The following BCR variants were observed in gnomAD, a reference collection of about 807,000 sequenced individuals.
BCR encodes the protein breakpoint cluster region protein.
BCR carries 58 observed loss-of-function variants against 138.6 expected under a neutral mutation model. That is an observed-to-expected ratio of 0.42 (90% CI 0.34 to 0.52). The LOEUF (loss-of-function observed/expected upper bound fraction) is 0.52, where lower values mean the gene tolerates loss of function less well. Ranked by LOEUF, BCR falls within the 20% of genes least tolerant of loss-of-function variation. The pLI, the probability that BCR is intolerant of heterozygous loss-of-function variation, is 0.06. For synonymous variants in BCR, 786 were observed against 730.1 expected, an observed-to-expected ratio of 1.08 and a Z score of -1.23; for missense variants, 1,599 against 1,727.2, an observed-to-expected ratio of 0.93 and a Z score of 1.32.
At chr22:23,300,648 G>A (rs1020691796) in intron 16 of BCR, among the ~76,000 whole-genome samples, 15 of 152,338 alleles carry the variant, frequency 9.8e-5, no homozygotes, top group African/African-American at 1.2e-4. Flanking sequence ...ACCTCACTGC[G>A]TGGTGGGGAC....
At chr22:23,265,578 C>A (rs1339942051) in intron 4 of BCR, among the ~76,000 whole-genome samples, 1 of 152,250 alleles carries the variant, frequency 6.6e-6, no homozygotes, top group Non-Finnish European at 1.5e-5. Flanking sequence ...CACGGGCTGA[C>A]TTCCCTGCTC....
chr22:23,203,557 C>G (rs1003409938), intron 1 of BCR, among the ~76,000 whole-genome samples: 1 of 152,150 alleles, frequency 6.6e-6, no homozygotes, highest in African/African-American at 2.4e-5. Context: ...TCCTTGATGA[C>G]CCTCGAAACA....
At chr22:23,207,537 C>T (rs1011923789) in intron 1 of BCR, among the ~76,000 whole-genome samples, 1 of 152,138 alleles carries the variant, frequency 6.6e-6, no homozygotes, top group African/African-American at 2.4e-5. Flanking sequence ...TTGGGAGGAT[C>T]GCTTGAGCCC....
intron 1 of BCR, among the ~76,000 whole-genome samples, chr22:23,195,043 G>A (rs927284359): frequency 3.3e-5 from 5 of 152,114 alleles, no homozygotes; most frequent in African/African-American, 9.7e-5. Flanking sequence ...TTGGGAGGCC[G>A]AGGCAGGCAG....
At position 23,189,529 on chromosome 22, in the gene BCR, G is replaced by A. The variant is rs184512221; in HGVS notation, c.1279+7290G>A. On this transcript the variant is annotated intron_variant, in intron 1 of 22. Coordinates refer to ENST00000305877, the MANE Select transcript of BCR (RefSeq NM_004327.4). Reference sequence around the variant, plus strand: ...CTTTCTTTTCTTGAGACGGAGTTTCGCTCTTATTTTGCCCAGGCTGGAGTG... The same window carrying A: ...CTTTCTTTTCTTGAGACGGAGTTTCACTCTTATTTTGCCCAGGCTGGAGTG... Among the ~76,000 whole-genome samples the A allele has an allele frequency of 5.3e-5, 8 of 151,352 alleles. No individual in the cohort carries two copies. The East Asian group carries it at 1.4e-3, about 26-fold the overall frequency.
At chr22:23,189,869 A>G (rs1475677661) in intron 1 of BCR, among the ~76,000 whole-genome samples, 1 of 152,184 alleles carries the variant, frequency 6.6e-6, no homozygotes, top group Non-Finnish European at 1.5e-5. Context: ...CTCTTCCGGA[A>G]AACACCCGTT....
chr22:23,226,394 A>G (rs1462871884), intron 1 of BCR, among the ~76,000 whole-genome samples: 1 of 151,756 alleles, frequency 6.6e-6, no homozygotes, highest in African/African-American at 2.4e-5. Flanking sequence ...TAAGAGAGCA[A>G]AGGATCTTCT....
intron 1 of BCR, among the ~76,000 whole-genome samples, chr22:23,196,203 C>G (rs1395427473): frequency 1.3e-5 from 2 of 152,154 alleles, no homozygotes; most frequent in African/African-American, 2.4e-5. Context: ...AAACACTGAT[C>G]TTCAGGAGGG....
In BCR at chr22:23,285,247, G is replaced by A. The variant is rs139498623; in HGVS notation, c.2406+46G>A. ...GGCCGGGTTTGGTGTGGTCAGAGTGGCAGCAGCCCCCGCACACGGCCAGTG... is the reference window on the plus strand; with the variant it reads ...GGCCGGGTTTGGTGTGGTCAGAGTGACAGCAGCCCCCGCACACGGCCAGTG... On this transcript the variant is annotated intron_variant, in intron 10 of 22. Coordinates refer to ENST00000305877, the MANE Select transcript of BCR (RefSeq NM_004327.4). 85 of 1,567,514 alleles carry A rather than the reference G, an allele frequency of 5.4e-5. No homozygotes were observed. In the Middle Eastern group the frequency reaches 1.4e-3, roughly 25 times the overall value.
chr22:23,263,372 G>A (rs1052227168), intron 4 of BCR: 14 of 1,236,400 alleles, frequency 1.1e-5, no homozygotes, highest in Admixed American at 1.7e-5. Context: ...CCGGCTTCAC[G>A]CGGCTCGGCA....
At chr22:23,291,666 C>G (rs2073789135) in intron 14 of BCR, among the ~76,000 whole-genome samples, 2 of 152,128 alleles carry the variant, frequency 1.3e-5, no homozygotes, top group Admixed American at 1.3e-4. Context: ...TGCACTCAAC[C>G]TTGCATCCCC....
chr22:23,283,615 G>A (rs576711455), intron 8 of BCR: 4 of 181,702 alleles, frequency 2.2e-5, no homozygotes, highest in African/African-American at 7.1e-5. Flanking sequence ...TTTAAAGAGG[G>A]TCCCCCCATC....
intron 1 of BCR, among the ~76,000 whole-genome samples, chr22:23,213,565 G>A (rs1238000010): frequency 6.6e-6 from 1 of 152,220 alleles, no homozygotes; most frequent in Non-Finnish European, 1.5e-5. Flanking sequence ...GCTCACGCCT[G>A]TAATCCCAGC....
chr22:23,191,652 G>A (rs2072416613), intron 1 of BCR, among the ~76,000 whole-genome samples: 1 of 152,152 alleles, frequency 6.6e-6, no homozygotes, highest in African/African-American at 2.4e-5. Flanking sequence ...CTTTAACAGT[G>A]TTTGATGTGA....
At chr22:23,192,844 A>G (rs1011747736) in intron 1 of BCR, among the ~76,000 whole-genome samples, 3 of 152,166 alleles carry the variant, frequency 2.0e-5, no homozygotes, top group Admixed American at 6.5e-5. Flanking sequence ...GATGTAGCGG[A>G]GATACACAGA....
chr22:23,266,805 T>A (rs1367441596), intron 4 of BCR, among the ~76,000 whole-genome samples: 1 of 152,234 alleles, frequency 6.6e-6, no homozygotes, highest in African/African-American at 2.4e-5. Flanking sequence ...GTGCATCAGA[T>A]CCGGAGGCAC....
At position 23,283,870 on chromosome 22, in the gene BCR, G is replaced by A. The variant is rs866450984; in HGVS notation, c.2116-107G>A. On this transcript the variant is annotated intron_variant, in intron 8 of 22. Coordinates refer to ENST00000305877, the MANE Select transcript of BCR (RefSeq NM_004327.4). ...GTGGAGGGAGTGAAATCTTCCCAGG[G>A]AGAGAATGTCTCTGGGTCAACCTGC... 4.3e-6 allele frequency: 6 copies of A among 1,394,068 alleles called. No individual in the cohort carries two copies. The East Asian group carries it at 1.5e-4, about 36-fold the overall frequency. The allele number at this position is 1,394,068 out of a possible 1,614,324, so 86.4% of individuals were successfully genotyped here. A position where few individuals can be genotyped will look rare whatever the true frequency, so the allele number is the denominator to read the frequency against.
chr22:23,188,433 C>T (rs926803897), intron 1 of BCR, among the ~76,000 whole-genome samples: 6 of 152,162 alleles, frequency 3.9e-5, no homozygotes, highest in African/African-American at 9.7e-5. Context: ...GTTGGAAGTC[C>T]TGTGGCTGGG....
intron 4 of BCR, chr22:23,265,048 A>G (rs1320132562): frequency 6.6e-6 from 1 of 152,202 alleles, no homozygotes; most frequent in Non-Finnish European, 1.5e-5. Context: ...TGAGAAATGG[A>G]GAATCGTGTT....
Sources: gnomAD v4.1 joint callset for allele counts (sites outside exome capture counted in the v4.1 genomes callset) on GRCh38, gnomAD v4.1.1 for gene constraint, MANE v1.5 for transcripts, NCBI Gene and HGNC (gene_info 2026-07-23, HGNC 2026-07-21) for gene names.